Variants in RIMS2 observed in about 807,000 individuals in gnomAD.
RIMS2 encodes regulating synaptic membrane exocytosis protein 2.
Under a neutral mutation model 174.4 loss-of-function variants are expected in RIMS2, and 59 were observed. The ratio of observed to expected loss-of-function variants is 0.34; its 90% CI spans 0.27 to 0.42. The LOEUF is 0.42. Among genes scored for constraint, RIMS2 ranks in the 10% least tolerant of loss-of-function variants. The pLI is 1.00. For missense variants in RIMS2, 1,620 were observed against 1,666.3 expected (o/e 0.97, Z 0.48); for synonymous variants, 606 against 572.5 (o/e 1.06, Z -0.84).
At position 103,599,423 on chromosome 8, in the gene RIMS2, A is replaced by T. The variant is rs541562806; in HGVS notation, c.177-97663A>T. ...TAATGTATATTTTAATATATAAATA[A>T]ATATATATGTGTATATATATATTTT... On this transcript the variant is annotated intron_variant, in intron 1 of 23. Transcript: ENST00000504942. Among the ~76,000 whole-genome samples, 369 of 147,624 alleles carry T rather than the reference A, an allele frequency of 2.5e-3. 2 individuals are homozygous for T. Among genetic ancestry groups the T allele is most frequent in the African/African-American group, 8.5e-3 (346 of 40,530 alleles).
chr8:103,837,521 C>T (rs1004242727), intron 3 of RIMS2, among the ~76,000 whole-genome samples: 1 of 152,218 alleles, frequency 6.6e-6, no homozygotes, highest in Non-Finnish European at 1.5e-5. Context: ...TATCCCTCCC[C>T]CCTCAACAGA....
chr8:103,651,157 G>C (rs2096444833), intron 1 of RIMS2, among the ~76,000 whole-genome samples: 2 of 152,252 alleles, frequency 1.3e-5, no homozygotes, highest in Non-Finnish European at 2.9e-5. Context: ...AAGGATCTGT[G>C]GGAGAAACGT....
At chr8:103,531,310 G>A (rs752524378) in intron 1 of RIMS2, among the ~76,000 whole-genome samples, 13 of 152,008 alleles carry the variant, frequency 8.6e-5, no homozygotes, top group Non-Finnish European at 1.5e-4. Context: ...TATACAGACT[G>A]CATTCTCTGA....
intron 19 of RIMS2, among the ~76,000 whole-genome samples, chr8:104,153,144 C>G (rs986735583): frequency 3.9e-5 from 6 of 152,120 alleles, no homozygotes; most frequent in Non-Finnish European, 7.4e-5. Flanking sequence ...TTATAACTCT[C>G]TTCTGTCACA....
chr8:103,647,896 A>ATTTTTTTTTTTTTTTTTT (rs71297225), intron 1 of RIMS2, among the ~76,000 whole-genome samples: 3 of 114,576 alleles, frequency 2.6e-5, no homozygotes, highest in Non-Finnish European at 5.7e-5. Flanking sequence ...TTTTTTTTTG[A>ATTTTTTTTTTTTTTTTTT]TTTTTTTTTT....
chr8:103,811,393 T>C (rs1170812192), intron 3 of RIMS2, among the ~76,000 whole-genome samples: 1 of 152,168 alleles, frequency 6.6e-6, no homozygotes, highest in Non-Finnish European at 1.5e-5. Flanking sequence ...ACTCTTGTAT[T>C]CAACAAGAAA....
chr8:103,921,510 A>G (rs928467961), intron 9 of RIMS2, among the ~76,000 whole-genome samples, 162 bp from the exon 13 acceptor site: 1 of 152,184 alleles, frequency 6.6e-6, no homozygotes, highest in African/African-American at 2.4e-5. Context: ...TTCCAAAAAA[A>G]CCCTTTAAGA....
exon 10 of RIMS2, chr8:103,921,742 A>C: frequency 6.4e-7 from 1 of 1,559,806 alleles, no homozygotes; most frequent in South Asian, 1.1e-5. Context: ...TGAGTCCTGG[A>C]ATGTTGAGGG....
At chr8:103,817,447 TA>T (rs1423882585) in intron 3 of RIMS2, among the ~76,000 whole-genome samples, 2 of 152,200 alleles carry the variant, frequency 1.3e-5, no homozygotes, top group African/African-American at 4.8e-5. Flanking sequence ...AAAATCAAAA[TA>T]TTTTTTCTAT....
rs974443765 is a variant in RIMS2, at chr8:103,769,063, T to TA, written c.698+2536dup. The TA allele has an allele frequency of 7.2e-3, 1,747 of 243,880 alleles. 8 individuals are homozygous for TA. The highest frequency in any genetic ancestry group is 0.022 in the African/African-American group (916 of 41,822). The allele number at this position is 243,880 out of a possible 1,614,324, so 15.1% of individuals were successfully genotyped here. ...GAATAACAAATCGATAAGATCAGAC[T>TA]AAAAAAAAAAGGATAATAGGAATAT... On this transcript the variant is annotated intron_variant, in intron 3 of 23. Coordinates refer to ENST00000504942, the Ensembl canonical transcript of RIMS2.
chr8:104,126,911 A>G (rs1433020693), intron 19 of RIMS2, among the ~76,000 whole-genome samples: 1 of 152,194 alleles, frequency 6.6e-6, no homozygotes, highest in Non-Finnish European at 1.5e-5. Flanking sequence ...CTCAAGAGCT[A>G]AGGGATTAGA....
chr8:103,954,485 C>T (rs2086482748), intron 14 of RIMS2, among the ~76,000 whole-genome samples: 3 of 152,282 alleles, frequency 2.0e-5, no homozygotes, highest in African/African-American at 7.2e-5. Flanking sequence ...AACTGAACAA[C>T]CTGCTCCTGA....
intron 2 of RIMS2, among the ~76,000 whole-genome samples, chr8:103,730,736 A>G (rs966218170): frequency 3.3e-5 from 5 of 152,188 alleles, no homozygotes; most frequent in Non-Finnish European, 7.4e-5. Context: ...TTTGAGAGTG[A>G]AGAACTCTAG....
chr8:103,635,215 T>C (rs548391903), intron 1 of RIMS2, among the ~76,000 whole-genome samples: 5 of 152,248 alleles, frequency 3.3e-5, no homozygotes, highest in African/African-American at 1.2e-4. Flanking sequence ...GTCTTTCTTT[T>C]CTATATTAGT....
chr8:104,041,545 T>C (rs565978528), intron 19 of RIMS2, among the ~76,000 whole-genome samples, 187 bp downstream of exon 22: 5 of 151,780 alleles, frequency 3.3e-5, no homozygotes, highest in Non-Finnish European at 7.4e-5. Context: ...TCCAATTAGA[T>C]GGATAAAAGT....
At chr8:103,810,686 C>T (rs895015943) in intron 3 of RIMS2, among the ~76,000 whole-genome samples, 9 of 152,060 alleles carry the variant, frequency 5.9e-5, no homozygotes, top group Non-Finnish European at 1.2e-4. Context: ...ATTAACATAT[C>T]CTAATGTTCT....
chr8:103,847,351 C>A (rs2098973314), intron 3 of RIMS2, among the ~76,000 whole-genome samples: 1 of 152,036 alleles, frequency 6.6e-6, no homozygotes, highest in Admixed American at 6.6e-5. Context: ...TCCGGTCCTG[C>A]AAGGTGTCCA....
intron 19 of RIMS2, among the ~76,000 whole-genome samples, chr8:104,062,200 T>C (rs2097011225): frequency 6.6e-6 from 1 of 152,000 alleles, no homozygotes; most frequent in African/African-American, 2.4e-5. Flanking sequence ...GGTCAAGAGA[T>C]CAAGACCATC....
chr8:103,827,682 A>G (rs2098799858), intron 3 of RIMS2, among the ~76,000 whole-genome samples: 1 of 152,144 alleles, frequency 6.6e-6, no homozygotes, highest in South Asian at 2.1e-4. Flanking sequence ...TAAAAATACA[A>G]GAATTAGCTG....
Sources: allele counts gnomAD v4.1 joint callset (sites outside exome capture counted in the v4.1 genomes callset), GRCh38; gene constraint gnomAD v4.1.1; transcripts MANE v1.5; gene names NCBI Gene and HGNC (gene_info 2026-07-23, HGNC 2026-07-21).